DMD: variants seen among roughly 807,000 people sequenced by gnomAD.
DMD encodes dystrophin, also known as mutant dystrophin.
Under a neutral mutation model 330.1 loss-of-function variants are expected in DMD, and 63 were observed. That is an observed-to-expected ratio of 0.19 (90% CI 0.16 to 0.24). The LOEUF (loss-of-function observed/expected upper bound fraction) is 0.24, where lower values mean the gene tolerates loss of function less well. DMD is among the 10% of genes least tolerant of loss of function. DMD has a pLI of 1.00. For missense variants in DMD, 3,344 were observed against 2,684.1 expected (o/e 1.25, Z -5.43); for synonymous variants, 1,223 against 959.8 (o/e 1.27, Z -5.07).
At chrX:31,741,403 G>A (rs2087325693) in intron 51 of DMD, among the ~76,000 whole-genome samples, 1 of 111,839 alleles carries the variant, frequency 8.9e-6, no homozygotes, top group Non-Finnish European at 1.9e-5. Flanking sequence ...TATGATTTAA[G>A]TAATAAGACT....
chrX:32,572,483 C>A (rs972715288), intron 15 of DMD, among the ~76,000 whole-genome samples: 2 of 109,124 alleles, frequency 1.8e-5, no homozygotes, highest in Admixed American at 9.9e-5. Flanking sequence ...AAAAATTAAA[C>A]TCATAGTATC....
In DMD at chrX:32,434,947, G is replaced by A. The variant is rs2098253661; in HGVS notation, c.4071+3294C>T. ...TATTTTCATTGTCAAATAACTCCCA[G>A]GTTATTACTGGCCAAATATGTAATA... On this transcript the variant is annotated intron_variant, in intron 29 of 78. Coordinates refer to ENST00000357033, the MANE Select transcript of DMD (RefSeq NM_004006.3). 2.7e-5 allele frequency among the ~76,000 whole-genome samples: 3 copies of A among 110,211 alleles called. No homozygotes were observed. The Admixed American group carries it at 2.9e-4, about 11-fold the overall frequency.
At chrX:32,155,441 T>G (rs2096825896) in intron 44 of DMD, 2 of 752,591 alleles carry the variant, frequency 2.7e-6, no homozygotes, top group East Asian at 1.5e-4. Flanking sequence ...CAGCAATGCC[T>G]CCGCACAAAG....
intron 2 of DMD, among the ~76,000 whole-genome samples, chrX:32,915,277 C>T (rs143653690): frequency 0.012 from 1,292 of 111,291 alleles, 19 homozygotes; most frequent in African/African-American, 0.039. Context: ...TGCAAGATTA[C>T]ATCTTGTATT....
intron 26 of DMD, among the ~76,000 whole-genome samples, chrX:32,449,213 C>T (rs991518472): frequency 9.0e-6 from 1 of 110,803 alleles, no homozygotes; most frequent in Non-Finnish European, 1.9e-5. Context: ...GCTGGCCTGA[C>T]ACCCAGCTAT....
In DMD at chrX:32,599,339, G is replaced by T. The variant is rs751563482; in HGVS notation, c.1483-3463C>A. On this transcript the variant is annotated intron_variant, in intron 12 of 78. Transcript: ENST00000357033. ...TGGAGTTAAAAAGTTCAATTGTTCT[G>T]CCAAACTAGGAATCCATGAATAAAG... Among the ~76,000 whole-genome samples, 88 of 111,651 alleles carry T rather than the reference G, an allele frequency of 7.9e-4. 1 individual carries two copies. Among genetic ancestry groups the T allele is most frequent in the Middle Eastern group, 4.6e-3 (1 of 217 alleles).
chrX:31,524,118 C>G (rs2073070448), intron 55 of DMD, among the ~76,000 whole-genome samples: 1 of 111,964 alleles, frequency 8.9e-6, no homozygotes, highest in South Asian at 3.7e-4. Context: ...AATGATGGCT[C>G]TGAGGTTGGG....
intron 44 of DMD, among the ~76,000 whole-genome samples, chrX:32,182,570 A>T (rs1475734308): frequency 9.0e-6 from 1 of 111,613 alleles, no homozygotes; most frequent in Non-Finnish European, 1.9e-5. Flanking sequence ...AACAGTACAT[A>T]CATGGCATCA....
chrX:32,420,992 G>A (rs1019732498), intron 29 of DMD, among the ~76,000 whole-genome samples: 4 of 111,325 alleles, frequency 3.6e-5, no homozygotes, highest in Admixed American at 1.9e-4. Context: ...CGGCCTCTGT[G>A]GTCAACTGTA....
intron 9 of DMD, among the ~76,000 whole-genome samples, chrX:32,668,663 A>G (rs753510761): frequency 9.0e-6 from 1 of 111,530 alleles, no homozygotes; most frequent in South Asian, 3.7e-4. Flanking sequence ...CATGTTTTAT[A>G]AAATCAAATC....
At chrX:31,611,508 T>C (rs1457840427) in intron 55 of DMD, among the ~76,000 whole-genome samples, 1 of 112,249 alleles carries the variant, frequency 8.9e-6, no homozygotes, top group Non-Finnish European at 1.9e-5. Context: ...TTTTTAAGGA[T>C]ACTTAAAAGC....
At chrX:32,064,939 G>A (rs2096250444) in intron 44 of DMD, among the ~76,000 whole-genome samples, 1 of 110,927 alleles carries the variant, frequency 9.0e-6, no homozygotes, top group African/African-American at 3.3e-5. Context: ...TTAAACATCT[G>A]GCCTACTGTT....
chrX:32,334,330 T>C (rs1459915833), intron 41 of DMD, among the ~76,000 whole-genome samples: 1 of 112,086 alleles, frequency 8.9e-6, no homozygotes, highest in African/African-American at 3.2e-5. Flanking sequence ...ACATTCTGTC[T>C]CTAAATAAGA....
At chrX:31,896,662 A>G (rs2094338233) in intron 47 of DMD, among the ~76,000 whole-genome samples, 1 of 111,698 alleles carries the variant, frequency 9.0e-6, no homozygotes, top group Non-Finnish European at 1.9e-5. Flanking sequence ...TTTTACCTTT[A>G]TTGAGTATAG....
intron 54 of DMD, among the ~76,000 whole-genome samples, chrX:31,643,524 T>C (rs1476820517): frequency 8.9e-6 from 1 of 111,980 alleles, no homozygotes. Context: ...TGAAAAATAA[T>C]AGGATAAAAA....
intron 52 of DMD, among the ~76,000 whole-genome samples, chrX:31,716,856 CATAT>C (rs568408993): frequency 0.023 from 2,040 of 89,701 alleles, 28 homozygotes; most frequent in Non-Finnish European, 0.034. Flanking sequence ...CACACACACA[CATAT>C]ATATATATAT....
intron 48 of DMD, among the ~76,000 whole-genome samples, chrX:31,839,569 C>T (rs1380373658): frequency 1.8e-5 from 2 of 111,808 alleles, no homozygotes; most frequent in Admixed American, 1.9e-4. Flanking sequence ...CAAAATTTTA[C>T]ATCTTCACGT....
rs998643236 is a variant in DMD, at chrX:32,882,326, T to C, written c.94-32506A>G. On this transcript the variant is annotated intron_variant, in intron 2 of 78. Coordinates refer to ENST00000357033, the MANE Select transcript of DMD (RefSeq NM_004006.3). ...GCTACTTTGTGCACTTGCTACCTCT[T>C]CTCTTTGTCAATTTTTCAATACCTA... Among the ~76,000 whole-genome samples, 3 of 111,865 alleles carry C rather than the reference T, an allele frequency of 2.7e-5. No individual in the cohort carries two copies. The Admixed American group carries it at 2.8e-4, about 11-fold the overall frequency.
intron 48 of DMD, among the ~76,000 whole-genome samples, chrX:31,838,824 G>A (rs2093258621): frequency 9.0e-6 from 1 of 111,296 alleles, no homozygotes; most frequent in African/African-American, 3.3e-5. Flanking sequence ...CCACAACCTC[G>A]TGGGATGTGG....
Sources: gnomAD v4.1 joint callset for allele counts (sites outside exome capture counted in the v4.1 genomes callset) on GRCh38, gnomAD v4.1.1 for gene constraint, MANE v1.5 for transcripts, NCBI Gene and HGNC (gene_info 2026-07-23, HGNC 2026-07-21) for gene names.